SLC25A12: variants seen among roughly 807,000 people sequenced by gnomAD.
The protein encoded by SLC25A12 is solute carrier family 25 member 12, also known as electrogenic aspartate/glutamate antiporter SLC25A12, mitochondrial.
Under a neutral mutation model 83.3 loss-of-function variants are expected in SLC25A12, and 32 were observed. The observed-to-expected ratio is 0.38, with a 90% CI of 0.29 to 0.52. The LOEUF is 0.52. Among genes scored for constraint, SLC25A12 ranks in the 20% least tolerant of loss-of-function variants. SLC25A12 has a pLI of 0.84. For synonymous variants in SLC25A12, 267 were observed against 291.1 expected (o/e 0.92, Z 0.84); for missense variants, 611 against 835.6 (o/e 0.73, Z 3.31).
chr2:171,804,265 T>TTATG (rs1204069869), intron 13 of SLC25A12, among the ~76,000 whole-genome samples: 1 of 151,986 alleles, frequency 6.6e-6, no homozygotes, highest in Non-Finnish European at 1.5e-5. Flanking sequence ...ATTTATTTAT[T>TTATG]TATTTATTTT....
intron 17 of SLC25A12, among the ~76,000 whole-genome samples, chr2:171,786,603 C>T (rs1452986905): frequency 6.6e-6 from 1 of 152,066 alleles, no homozygotes; most frequent in Admixed American, 6.5e-5. Flanking sequence ...GATGTGAGGA[C>T]TCAGGAATGG....
intron 4 of SLC25A12, among the ~76,000 whole-genome samples, chr2:171,854,595 T>C (rs890286811): frequency 1.3e-5 from 2 of 151,998 alleles, no homozygotes; most frequent in Non-Finnish European, 2.9e-5. Context: ...AAACTCTGCA[T>C]AGCATTTTTT....
chr2:171,836,078 T>G (rs759754453), intron 6 of SLC25A12, among the ~76,000 whole-genome samples: 3 of 152,162 alleles, frequency 2.0e-5, no homozygotes, highest in Non-Finnish European at 4.4e-5. Flanking sequence ...TCCCTTTCTC[T>G]CTTTCTCTCT....
chr2:171,792,734 A>C (rs559639191), intron 14 of SLC25A12, among the ~76,000 whole-genome samples: 1 of 152,220 alleles, frequency 6.6e-6, no homozygotes, highest in Admixed American at 6.5e-5. Context: ...GGAAATTGGG[A>C]GTGGGGAGGA....
chr2:171,887,712 A>T (rs1685849388), intron 2 of SLC25A12, among the ~76,000 whole-genome samples: 1 of 152,230 alleles, frequency 6.6e-6, no homozygotes, highest in Admixed American at 6.5e-5. Flanking sequence ...AAAAGGGATA[A>T]ATCAAGAAAT....
chr2:171,797,720 A>G (rs939331933), intron 13 of SLC25A12, among the ~76,000 whole-genome samples: 2 of 152,200 alleles, frequency 1.3e-5, no homozygotes, highest in Admixed American at 6.5e-5. Context: ...CTTATTATAT[A>G]TGAACATCAA....
At chr2:171,796,853 T>G (rs546109890) in intron 13 of SLC25A12, among the ~76,000 whole-genome samples, 5 of 152,338 alleles carry the variant, frequency 3.3e-5, no homozygotes, top group African/African-American at 9.6e-5. Context: ...AAATATGCAC[T>G]GTTCTTTTTC....
intron 2 of SLC25A12, chr2:171,871,714 A>G: frequency 1.1e-5 from 11 of 984,916 alleles, no homozygotes; most frequent in Non-Finnish European, 1.1e-5. Flanking sequence ...CATCAGGAAT[A>G]GCACAGATCA....
At chr2:171,855,703 A>G in intron 4 of SLC25A12, 131 bp downstream of exon 4, 1 of 733,066 alleles carries the variant, frequency 1.4e-6, no homozygotes, top group African/African-American at 1.7e-5. Context: ...TATCTGCATA[A>G]ATCCTTTTAG....
chr2:171,872,016 T>A (rs990652620), intron 2 of SLC25A12, among the ~76,000 whole-genome samples: 6 of 151,638 alleles, frequency 4.0e-5, no homozygotes, highest in African/African-American at 9.7e-5. Context: ...ACTTTTTTTT[T>A]AACTAATTGG....
chr2:171,835,931 T>C (rs1387438905), intron 6 of SLC25A12, among the ~76,000 whole-genome samples: 2 of 152,234 alleles, frequency 1.3e-5, no homozygotes, highest in South Asian at 2.1e-4. Context: ...TGGTAAACTA[T>C]AAAAAATTGA....
intron 12 of SLC25A12, 53 bp from the exon 13 acceptor site, chr2:171,809,739 G>A (rs1323422176): frequency 7.6e-7 from 1 of 1,308,708 alleles, no homozygotes; most frequent in Non-Finnish European, 1.1e-6. Flanking sequence ...TTTCTCTTCT[G>A]GCATACTGTT....
intron 3 of SLC25A12, among the ~76,000 whole-genome samples, chr2:171,863,066 A>AT (rs1169868820): frequency 4.0e-5 from 6 of 151,894 alleles, no homozygotes; most frequent in African/African-American, 1.5e-4. Flanking sequence ...CAACTGGCTA[A>AT]TTTTTTTCTT....
At chr2:171,844,284 A>G in intron 5 of SLC25A12, 85 bp downstream of exon 5, 1 of 1,455,832 alleles carries the variant, frequency 6.9e-7, no homozygotes, top group African/African-American at 1.4e-5. Flanking sequence ...GAGAACTTCT[A>G]TTTTTGTAAT....
chr2:171,868,722 G>A lies in SLC25A12; in HGVS notation c.168C>T (p.Ile56=), dbSNP rs189737263. ...CAGCTACTCCTGCCAAGAGCTGCACGATCTTTGGGTTACTATTTGGATCAT... is the reference window on the plus strand; with the variant it reads ...CAGCTACTCCTGCCAAGAGCTGCACAATCTTTGGGTTACTATTTGGATCAT... ...LYNDPNSNPK[I]VQLLAGVADQ... Residue 56 remains isoleucine (I), a synonymous_variant, in exon 3 of 18, where the codon ATC becomes ATT. Transcript: ENST00000422440. The A allele has an allele frequency of 2.0e-5, 32 of 1,613,942 alleles. No homozygotes were observed. Among genetic ancestry groups the A allele is most frequent in the Non-Finnish European group, 2.4e-5 (28 of 1,179,882 alleles).
At chr2:171,797,330 A>G (rs963586816) in intron 13 of SLC25A12, among the ~76,000 whole-genome samples, 1 of 152,204 alleles carries the variant, frequency 6.6e-6, no homozygotes, top group Non-Finnish European at 1.5e-5. Flanking sequence ...TTGATAATAA[A>G]ATCACGCCAA....
At chr2:171,814,211 AT>A (rs1473827097) in intron 10 of SLC25A12, among the ~76,000 whole-genome samples, 1 of 152,170 alleles carries the variant, frequency 6.6e-6, no homozygotes, top group Non-Finnish European at 1.5e-5. Flanking sequence ...AATCGTAAGC[AT>A]TTTAATCACA....
chr2:171,819,553 G>C (rs1382131280), intron 9 of SLC25A12, among the ~76,000 whole-genome samples: 1 of 146,288 alleles, frequency 6.8e-6, no homozygotes, highest in Non-Finnish European at 1.5e-5. Flanking sequence ...TTGTGTTAAA[G>C]ACTATAGTTA....
intron 6 of SLC25A12, among the ~76,000 whole-genome samples, chr2:171,835,774 G>C (rs1387624208): frequency 2.6e-5 from 4 of 152,044 alleles, no homozygotes. Flanking sequence ...GTAATGATGA[G>C]CAAATATATC....
Sources: allele counts gnomAD v4.1 joint callset (sites outside exome capture counted in the v4.1 genomes callset), GRCh38; gene constraint gnomAD v4.1.1; transcripts MANE v1.5; gene names NCBI Gene and HGNC (gene_info 2026-07-23, HGNC 2026-07-21).